SOCS2: variants seen among roughly 807,000 people sequenced by gnomAD.
SOCS2 encodes suppressor of cytokine signaling 2, also known as CIS-2.
A neutral mutation model predicts 18.6 loss-of-function variants in SOCS2; 10 were observed. That is an observed-to-expected ratio of 0.54 (90% CI 0.33 to 0.91). The LOEUF (loss-of-function observed/expected upper bound fraction) is 0.91. Ranked by LOEUF, SOCS2 falls within the 40% of genes least tolerant of loss-of-function variation. The pLI is 0.02. For missense variants in SOCS2, 231 were observed against 247.2 expected (o/e 0.93, Z 0.44); for synonymous variants, 104 against 104.0 (o/e 1.00, Z 0.00).
chr12:93,610,262 G>A, the SOCS2 span, among the ~76,000 whole-genome samples: 1 of 152,174 alleles, frequency 6.6e-6, no homozygotes, highest in Admixed American at 6.5e-5. Context: ...GATTGCCCTG[G>A]ACTTTCCAGT....
At chr12:93,570,189 G>A (rs1430272644), upstream of SOCS2, 1 of 152,310 alleles carries the variant, frequency 6.6e-6, no homozygotes, top group African/African-American at 2.4e-5. Context: ...AGCCCCTTCC[G>A]GGCGCGCAGG....
the SOCS2 span, among the ~76,000 whole-genome samples, chr12:93,592,885 T>A: frequency 6.6e-6 from 1 of 151,344 alleles, no homozygotes; most frequent in African/African-American, 2.4e-5. Flanking sequence ...TAGACAGCTG[T>A]CTTTAAAAAC....
the SOCS2 span, among the ~76,000 whole-genome samples, chr12:93,615,163 C>T: frequency 1.3e-5 from 2 of 152,294 alleles, no homozygotes; most frequent in South Asian, 4.2e-4. Flanking sequence ...TCTGCCCTTG[C>T]TTGACATTCT....
At chr12:93,622,947 A>T in the SOCS2 span, among the ~76,000 whole-genome samples, 2 of 152,196 alleles carry the variant, frequency 1.3e-5, no homozygotes, top group South Asian at 4.1e-4. Context: ...AATCACTTTC[A>T]GTTCTTAAAA....
the SOCS2 span, among the ~76,000 whole-genome samples, chr12:93,614,478 C>CCTTCCTTCCTTTCTTTCTTTCTTT: frequency 1.4e-4 from 7 of 49,424 alleles, 1 homozygote; most frequent in African/African-American, 8.6e-4. Flanking sequence ...TTCCTTCCTT[C>CCTTCCTTCCTTTCTTTCTTTCTTT]CTTTCCTTCC....
the SOCS2 span, among the ~76,000 whole-genome samples, chr12:93,602,210 A>C: frequency 6.6e-6 from 1 of 152,212 alleles, no homozygotes; most frequent in African/African-American, 2.4e-5. Flanking sequence ...CTTCTGCCTC[A>C]GCTTATCCTA....
chr12:93,608,891 TAAG>T, the SOCS2 span, among the ~76,000 whole-genome samples: 2 of 152,212 alleles, frequency 1.3e-5, no homozygotes, highest in African/African-American at 2.4e-5. Context: ...AGCAGGTCAC[TAAG>T]TTCTCTAAAT....
the SOCS2 span, among the ~76,000 whole-genome samples, chr12:93,614,409 CT>C: frequency 2.2e-5 from 3 of 137,650 alleles, no homozygotes; most frequent in African/African-American, 8.6e-5. Context: ...TTCTTTCTTT[CT>C]TTCTTTCTTC....
At chr12:93,613,817 C>T in the SOCS2 span, among the ~76,000 whole-genome samples, 1 of 152,200 alleles carries the variant, frequency 6.6e-6, no homozygotes, top group Non-Finnish European at 1.5e-5. Context: ...AATCACTCCA[C>T]ACTGTAGTCA....
the SOCS2 span, among the ~76,000 whole-genome samples, chr12:93,613,177 A>G: frequency 6.6e-6 from 1 of 152,210 alleles, no homozygotes; most frequent in African/African-American, 2.4e-5. Context: ...TTCCGAAGGT[A>G]TTTTCTCCTT....
downstream of SOCS2, among the ~76,000 whole-genome samples, chr12:93,578,682 G>GCACA (rs10594657): frequency 0.12 from 17,145 of 146,524 alleles, 1,358 homozygotes; most frequent in East Asian, 0.38. Context: ...TTGCATGCTC[G>GCACA]CACACACACA....
the SOCS2 span, among the ~76,000 whole-genome samples, chr12:93,593,415 AAC>A: frequency 6.6e-6 from 1 of 152,228 alleles, no homozygotes; most frequent in African/African-American, 2.4e-5. Flanking sequence ...TACTGGAAGC[AAC>A]TTGACCTTGA....
intron 1 of SOCS2, among the ~76,000 whole-genome samples, chr12:93,581,776 T>C (rs956917874): frequency 6.6e-6 from 1 of 152,212 alleles, no homozygotes; most frequent in Non-Finnish European, 1.5e-5. Context: ...AAGTGTTCTT[T>C]CATTGAGGGA....
chr12:93,614,500 C>T, the SOCS2 span, among the ~76,000 whole-genome samples: 1,295 of 41,042 alleles, frequency 0.032, 32 homozygotes, highest in East Asian at 0.13. Context: ...TCCTTCCTTC[C>T]TTCCTTCCTT....
chr12:93,583,451 A>G (rs1281094355), exon 2 of SOCS2: 1 of 152,192 alleles, frequency 6.6e-6, no homozygotes, highest in Non-Finnish European at 1.5e-5. Context: ...AAATTCTTAG[A>G]TTCTTTGGTA....
At chr12:93,614,746 C>T in the SOCS2 span, among the ~76,000 whole-genome samples, 1 of 150,522 alleles carries the variant, frequency 6.6e-6, no homozygotes, top group Non-Finnish European at 1.5e-5. Context: ...CCCCGAGCAG[C>T]TGGCATTACA....
At chr12:93,614,380 T>C in the SOCS2 span, among the ~76,000 whole-genome samples, 33 of 134,260 alleles carry the variant, frequency 2.5e-4, no homozygotes, top group Non-Finnish European at 4.7e-4. Flanking sequence ...TTTCTTTCTT[T>C]CTTTCTTTCT....
the SOCS2 span, among the ~76,000 whole-genome samples, chr12:93,603,089 G>C: frequency 2.0e-5 from 3 of 152,182 alleles, no homozygotes; most frequent in Non-Finnish European, 4.4e-5. Context: ...AGTCGTAGCT[G>C]TTCCCCGAAG....
chr12:93,592,280 ATATC>A, the SOCS2 span, among the ~76,000 whole-genome samples: 1 of 152,300 alleles, frequency 6.6e-6, no homozygotes, highest in African/African-American at 2.4e-5. Context: ...TTCTCTCTAT[ATATC>A]TATTTATATC....
Sources: gnomAD v4.1 joint callset for allele counts (sites outside exome capture counted in the v4.1 genomes callset) on GRCh38, gnomAD v4.1.1 for gene constraint, MANE v1.5 for transcripts, NCBI Gene and HGNC (gene_info 2026-07-23, HGNC 2026-07-21) for gene names.